TBXA2R: variants seen among roughly 807,000 people sequenced by gnomAD.
TBXA2R encodes the protein thromboxane A2 receptor.
In TBXA2R, 15 loss-of-function variants were observed where a neutral mutation model predicts 15.6. The ratio of observed to expected loss-of-function variants is 0.96; its 90% CI spans 0.64 to 1.48. The LOEUF (loss-of-function observed/expected upper bound fraction) is 1.48, where lower values mean the gene tolerates loss of function less well. Ranked by LOEUF, TBXA2R falls within the 40% of genes most tolerant of loss-of-function variation. The probability of loss-of-function intolerance (pLI) is 0.00; values close to 1 mark genes in which losing one functional copy is unlikely to be tolerated. For missense variants in TBXA2R, 506 were observed against 491.4 expected, an observed-to-expected ratio of 1.03 and a Z score of -0.28; for synonymous variants, 280 against 241.2, an observed-to-expected ratio of 1.16 and a Z score of -1.49.
At chr19:3,606,114 G>T (rs1026996455) in intron 1 of TBXA2R, among the ~76,000 whole-genome samples, 1 of 151,980 alleles carries the variant, frequency 6.6e-6, no homozygotes, top group Non-Finnish European at 1.5e-5. Context: ...CACACGCACA[G>T]ACACAGACAC....
rs1599868129 is a variant in TBXA2R at position 3,594,981 on chromosome 19, G to A, written c.*707C>T. On this transcript the variant is annotated 3_prime_UTR_variant, in exon 3 of 3. Transcript: ENST00000375190. ...TGTAATCCCAGCTGCTCGGGAGGCT[G>A]AGGCACGAGAATCGCTTGAACCCGG... 1 of 1,526,150 alleles carries A rather than the reference G, an allele frequency of 6.6e-7. No homozygotes were observed. The allele number at this position is 1,526,150 out of a possible 1,614,324, so 94.5% of individuals were successfully genotyped here.
chr19:3,598,345 C>CTTTTTTTTTTTTTTTTTT (rs1300020033), intron 2 of TBXA2R, among the ~76,000 whole-genome samples: 3 of 115,390 alleles, frequency 2.6e-5, no homozygotes, highest in Admixed American at 9.3e-5. Context: ...TCTTTCTTTT[C>CTTTTTTTTTTTTTTTTTT]TTTTCTTTTT....
At chr19:3,596,817 G>A (rs2032613179) in intron 2 of TBXA2R, among the ~76,000 whole-genome samples, 1 of 151,588 alleles carries the variant, frequency 6.6e-6, no homozygotes, top group Admixed American at 6.6e-5. Flanking sequence ...TCCTGACCTT[G>A]TGATCTGCCC....
At position 3,606,139 on chromosome 19, in the gene TBXA2R, G is replaced by A. The variant is rs557988211; in HGVS notation, c.-84+391C>T. 1.9e-3 allele frequency among the ~76,000 whole-genome samples: 283 copies of A among 152,250 alleles called. 2 individuals are homozygous for A. The highest frequency in any genetic ancestry group is 6.5e-3 in the African/African-American group (272 of 41,546). On this transcript the variant is annotated intron_variant, in intron 1 of 2. Transcript: ENST00000375190. ...GACACAGACACACAACCAGGGCCAT[G>A]CATGGTTCACTCCCAGAGACAAGAT...
intron 2 of TBXA2R, among the ~76,000 whole-genome samples, chr19:3,599,338 T>A (rs1262976826): frequency 2.7e-5 from 4 of 148,896 alleles, no homozygotes; most frequent in Admixed American, 6.7e-5. Context: ...TATTTTTTAT[T>A]TTTTTTTTTG....
Position 3,594,655 on chromosome 19 carries a change from A to T in TBXA2R, c.*1033T>A, listed in dbSNP as rs999674089. 15 of 529,558 alleles carry T rather than the reference A, an allele frequency of 2.8e-5. No individual in the cohort carries two copies. The Admixed American group carries it at 4.5e-4, about 16-fold the overall frequency. The allele number at this position is 529,558 out of a possible 1,614,324, so 32.8% of individuals were successfully genotyped here. The stretch of plus-strand genomic sequence containing the variant: ...AGTGATTAGGAAACACTCAAGAAAC[A>T]AGGTGGGGGAGGAACCGAATCCTCT... On this transcript the variant is annotated 3_prime_UTR_variant, in exon 3 of 3. Transcript: ENST00000375190.
chr19:3,601,873 G>C (rs1367830973), intron 1 of TBXA2R, among the ~76,000 whole-genome samples: 1 of 151,956 alleles, frequency 6.6e-6, no homozygotes, highest in African/African-American at 2.4e-5. Context: ...GTTGCAGTGA[G>C]CCGAGATCGC....
rs35168572 is a variant in TBXA2R at position 3,600,826 on chromosome 19, G to GT, written c.-83-110dup. On this transcript the variant is annotated intron_variant, in intron 1 of 2. Transcript: ENST00000375190. ...TGCCCCAGCTCAAATATCCTCTCCG[G>GT]TTTTTTTTTTTTTTTTTTTTGAGAC... 88,413 of 392,452 alleles carry GT rather than the reference G, an allele frequency of 0.23. 5,358 individuals carry two copies. The highest frequency in any genetic ancestry group is 0.29 in the African/African-American group (11,091 of 38,492). 24.3% of individuals were successfully genotyped at this position (392,452 alleles called of 1,614,324 possible). A position where few individuals can be genotyped will look rare whatever the true frequency, so the allele number is the denominator to read the frequency against.
chr19:3,597,080 C>A (rs1032333349), intron 2 of TBXA2R, among the ~76,000 whole-genome samples: 2 of 151,372 alleles, frequency 1.3e-5, no homozygotes. Flanking sequence ...GCTGGGATTA[C>A]AGGCATGCAC....
chr19:3,602,455 G>A (rs895114148), intron 1 of TBXA2R, among the ~76,000 whole-genome samples: 3 of 151,720 alleles, frequency 2.0e-5, no homozygotes, highest in African/African-American at 4.8e-5. Context: ...GTCCTATTAC[G>A]GTCAGGCGTG....
intron 2 of TBXA2R, among the ~76,000 whole-genome samples, chr19:3,596,615 G>A (rs1318761541): frequency 6.7e-6 from 1 of 150,312 alleles, no homozygotes; most frequent in Non-Finnish European, 1.5e-5. Flanking sequence ...GCAAGATCCT[G>A]TCTCAAAATA....
Position 3,595,098 on chromosome 19 carries a change from G to C in TBXA2R, c.*590C>G. On this transcript the variant is annotated 3_prime_UTR_variant, in exon 3 of 3. Transcript: ENST00000375190. ...CCGTCTAAAAAAAAAAAAAAAAATG[G>C]CCAGGTGTGGTGGTTCATGCCTGTG... is the stretch of plus-strand genomic sequence containing the variant. The C allele has an allele frequency of 1.4e-6, 1 of 695,326 alleles. No individual in the cohort carries two copies. Among genetic ancestry groups the C allele is most frequent in the Non-Finnish European group, 2.4e-6 (1 of 424,170 alleles). 43.1% of individuals were successfully genotyped at this position (695,326 alleles called of 1,614,324 possible).
At position 3,600,469 on chromosome 19, in the gene TBXA2R, C is replaced by T; in HGVS notation, c.166G>A (p.Gly56Ser). The stretch of plus-strand genomic sequence containing the variant: ...AGGAAGGAGGAGCGCGTGTGCGAAC[C>T]CCCCTGCCGCGCGCCCGCCAGCACG... ...LSVLAGARQGGSHTRSSFLTF... is the reference protein window; with the variant it reads ...LSVLAGARQGSSHTRSSFLTF... The change falls in exon 2 of 3, where the codon GGT becomes AGT. Residue 56 changes from glycine to serine, a missense_variant. Coordinates refer to ENST00000375190, the MANE Select transcript of TBXA2R (RefSeq NM_001060.6). The T allele has an allele frequency of 1.2e-6, 2 of 1,612,728 alleles. No homozygotes were observed. Among genetic ancestry groups the T allele is most frequent in the Non-Finnish European group, 8.5e-7 (1 of 1,179,634 alleles).
intron 2 of TBXA2R, among the ~76,000 whole-genome samples, chr19:3,596,754 TG>T (rs1336446655): frequency 6.7e-6 from 1 of 150,164 alleles, no homozygotes; most frequent in Non-Finnish European, 1.5e-5. Flanking sequence ...GCTAATTTTT[TG>T]TATTTTTAGT....
intron 1 of TBXA2R, among the ~76,000 whole-genome samples, chr19:3,603,396 C>T (rs981291831): frequency 1.3e-5 from 2 of 152,200 alleles, no homozygotes; most frequent in Admixed American, 6.5e-5. Flanking sequence ...AGAGCAGATG[C>T]GGTGGGGGGT....
In TBXA2R at chr19:3,595,734, G is replaced by C. The variant is rs201679561; in HGVS notation, c.986C>G (p.Ser329Trp). The C allele has an allele frequency of 6.2e-7, 1 of 1,602,448 alleles. No homozygotes were observed. The highest frequency in any genetic ancestry group is 8.5e-7 in the Non-Finnish European group (1 of 1,175,340). The change falls in exon 3 of 3, where the codon TCG becomes TGG. Residue 329 changes from serine (S) to tryptophan (W), a missense_variant. Physicochemically the swap from Ser to Trp is radical, Grantham distance 177. Transcript: ENST00000375190. ...CGTGAGCTGGGGCTGGAGGGACAGC[G>C]ACCTGGGCCGGGTGCTGAGGCGAGG... ...LQPRLSTRPR[S>W]LSLQPQLTQR...
In TBXA2R at chr19:3,595,828, T is replaced by C; in HGVS notation, c.892A>G (p.Thr298Ala). 1 of 1,611,716 alleles carries C rather than the reference T, an allele frequency of 6.2e-7. No individual in the cohort carries two copies. Among genetic ancestry groups the C allele is most frequent in the Non-Finnish European group, 8.5e-7 (1 of 1,179,274 alleles). ...CAGGGGTCCAGGATCTGGTTCCAGG[T>C]GGCCACGCGCAAGTAGATGAGCAGC... ...KELLIYLRVA[T>A]WNQILDPWVY... Residue 298 changes from threonine (T) to alanine (A), a missense_variant, in exon 3 of 3, where the codon ACC (threonine) becomes GCC (alanine). Transcript: ENST00000375190.
chr19:3,600,409 G>A lies in TBXA2R; in HGVS notation c.226C>T (p.Leu76=). The A allele has an allele frequency of 6.2e-7, 1 of 1,613,424 alleles. No homozygotes were observed. Among genetic ancestry groups the A allele is most frequent in the South Asian group, 1.1e-5 (1 of 91,082 alleles). Residue 76 remains leucine, a synonymous_variant, in exon 2 of 3, where the codon CTG becomes TTG. Transcript: ENST00000375190. ...ATGGTACCGGTCACCAGCAGCCCCAGGAAGTCGGTGAGGACGAGGCCGCAG... is the reference window on the plus strand; with the variant it reads ...ATGGTACCGGTCACCAGCAGCCCCAAGAAGTCGGTGAGGACGAGGCCGCAG... ...FLCGLVLTDF[L]GLLVTGTIVV... is the part of the protein sequence containing the mutation.
In TBXA2R at chr19:3,595,861, C is replaced by T; in HGVS notation, c.859G>A (p.Glu287Lys). 1 of 1,610,588 alleles carries T rather than the reference C, an allele frequency of 6.2e-7. No homozygotes were observed. Among genetic ancestry groups the T allele is most frequent in the Non-Finnish European group, 8.5e-7 (1 of 1,178,838 alleles). ...CGCAAGTAGATGAGCAGCTCCTTCT[C>T]CGTGGTGCGGGACAGCTGCCCGGCG... ...SPAGQLSRTT[E>K]KELLIYLRVA... Residue 287 changes from glutamate (E) to lysine (K), a missense_variant, in exon 3 of 3, where the codon GAG (glutamate) becomes AAG (lysine). Coordinates refer to ENST00000375190, the MANE Select transcript of TBXA2R (RefSeq NM_001060.6).
Sources: gnomAD v4.1 joint callset for allele counts (sites outside exome capture counted in the v4.1 genomes callset) on GRCh38, gnomAD v4.1.1 for gene constraint, MANE v1.5 for transcripts, NCBI Gene and HGNC (gene_info 2026-07-23, HGNC 2026-07-21) for gene names.